Variants in NRXN3 observed in about 807,000 individuals in gnomAD.
NRXN3 encodes neurexin III.
A neutral mutation model predicts 137.6 loss-of-function variants in NRXN3; 32 were observed. That is an observed-to-expected ratio of 0.23 (90% CI 0.18 to 0.31). The LOEUF (loss-of-function observed/expected upper bound fraction) is 0.31, where lower values mean the gene tolerates loss of function less well. Ranked by LOEUF, NRXN3 falls within the 10% of genes least tolerant of loss-of-function variation. The pLI, the probability that NRXN3 is intolerant of heterozygous loss-of-function variation, is 1.00. For missense variants in NRXN3, 1,574 were observed against 2,062.5 expected (o/e 0.76, Z 4.59); for synonymous variants, 798 against 784.5 (o/e 1.02, Z -0.29).
chr14:79,108,401 A>T (rs967454383), intron 15 of NRXN3, among the ~76,000 whole-genome samples: 2 of 152,168 alleles, frequency 1.3e-5, no homozygotes, highest in East Asian at 3.8e-4. Context: ...ACACACAAAA[A>T]CATCGTTTGT....
rs139768220 is a variant in NRXN3, at chr14:79,687,066, A to G, written c.3617-5107A>G. Among the ~76,000 whole-genome samples the G allele has an allele frequency of 2.3e-3, 343 of 152,356 alleles. 2 individuals carry two copies. The highest frequency in any genetic ancestry group is 7.8e-3 in the African/African-American group (325 of 41,588). Reference sequence around the variant, plus strand: ...GACATTAATTTCTTTACCTTGGCACATTAAAGGATCAAAGCTCACAACATA... The same window carrying G: ...GACATTAATTTCTTTACCTTGGCACGTTAAAGGATCAAAGCTCACAACATA... On this transcript the variant is annotated intron_variant, in intron 17 of 20. Transcript: ENST00000335750.
At chr14:79,054,940 G>A (rs944906301) in intron 15 of NRXN3, among the ~76,000 whole-genome samples, 1 of 152,144 alleles carries the variant, frequency 6.6e-6, no homozygotes, top group African/African-American at 2.4e-5. Flanking sequence ...GAGCTGCAGG[G>A]TTCAGTTAAA....
At chr14:79,853,492 T>G (rs765975078) in intron 20 of NRXN3, 1 of 1,132,922 alleles carries the variant, frequency 8.8e-7, no homozygotes, top group South Asian at 1.3e-5. Context: ...TAGATGGGCA[T>G]GTGTAGGCTC....
At chr14:79,412,782 CAAAAAAAAAAA>C (rs71103803) in intron 15 of NRXN3, among the ~76,000 whole-genome samples, 3 of 59,734 alleles carry the variant, frequency 5.0e-5, no homozygotes, top group Non-Finnish European at 8.9e-5. Flanking sequence ...GACTCTGTCT[CAAAAAAAAAAA>C]AAAAAAAAAA....
At chr14:78,526,629 T>G (rs1599898343) in intron 4 of NRXN3, 1 of 356,688 alleles carries the variant, frequency 2.8e-6, no homozygotes, top group East Asian at 8.0e-5. Context: ...GCATATCTGC[T>G]TTATCTGATA....
intron 20 of NRXN3, among the ~76,000 whole-genome samples, chr14:79,850,371 A>G (rs1477898707): frequency 6.6e-6 from 1 of 152,118 alleles, no homozygotes; most frequent in Non-Finnish European, 1.5e-5. Flanking sequence ...ACTGAAGACA[A>G]TGCTTTCTAG....
chr14:78,730,558 G>A (rs933373080), intron 8 of NRXN3, among the ~76,000 whole-genome samples: 4 of 152,126 alleles, frequency 2.6e-5, no homozygotes, highest in African/African-American at 9.7e-5. Flanking sequence ...ACTTGACTCA[G>A]GGCTGTTATA....
intron 20 of NRXN3, among the ~76,000 whole-genome samples, chr14:79,843,849 C>T (rs959880647): frequency 6.6e-6 from 1 of 152,128 alleles, no homozygotes; most frequent in African/African-American, 2.4e-5. Flanking sequence ...TTAGTGCACC[C>T]ATCACCTGAG....
intron 10 of NRXN3, among the ~76,000 whole-genome samples, chr14:78,895,634 G>A (rs1409881251): frequency 6.6e-6 from 1 of 151,854 alleles, no homozygotes; most frequent in African/African-American, 2.4e-5. Flanking sequence ...TTAACTGTTT[G>A]GCACAAGAAG....
At chr14:79,564,745 T>C (rs2371057) in intron 16 of NRXN3, among the ~76,000 whole-genome samples, 1,671 of 152,236 alleles carry the variant, frequency 0.011, 20 homozygotes, top group Middle Eastern at 0.037. Flanking sequence ...TAACCAGGTA[T>C]TTTTATAGAA....
chr14:78,479,282 C>G (rs2095433200), intron 4 of NRXN3, among the ~76,000 whole-genome samples: 1 of 152,200 alleles, frequency 6.6e-6, no homozygotes, highest in African/African-American at 2.4e-5. Context: ...TTCTAATGTT[C>G]TGCAAAGTTG....
Position 79,488,100 on chromosome 14 carries a change from G to C in NRXN3, c.3444+20698G>C, listed in dbSNP as rs927130358. On this transcript the variant is annotated intron_variant, in intron 16 of 20. Coordinates refer to ENST00000335750, the MANE Select transcript of NRXN3 (RefSeq NM_001330195.2). ...CAGCTGTGTTACACATATGAGGCAA[G>C]CTCCATGCTCCAGAGACAAAAGTGA... 9.2e-5 allele frequency among the ~76,000 whole-genome samples: 14 copies of C among 152,274 alleles called. No homozygotes were observed. In the East Asian group the frequency reaches 1.9e-3, roughly 21 times the overall value.
At chr14:79,643,480 A>T (rs2098441454) in intron 16 of NRXN3, among the ~76,000 whole-genome samples, 1 of 135,256 alleles carries the variant, frequency 7.4e-6, no homozygotes, top group African/African-American at 2.5e-5. Context: ...AATATATGTA[A>T]GATTTTGGGT....
intron 10 of NRXN3, among the ~76,000 whole-genome samples, chr14:78,881,154 T>C (rs1286407573): frequency 6.6e-6 from 1 of 151,668 alleles, no homozygotes; most frequent in Non-Finnish European, 1.5e-5. Flanking sequence ...TCCCCAGTCA[T>C]GTGAAACTGT....
At chr14:79,000,211 G>A (rs1243273288) in intron 15 of NRXN3, among the ~76,000 whole-genome samples, 1 of 151,706 alleles carries the variant, frequency 6.6e-6, no homozygotes, top group African/African-American at 2.4e-5. Context: ...TAAAACTGCA[G>A]TTTTACTCAG....
chr14:79,609,854 A>C (rs1161074996), intron 16 of NRXN3, among the ~76,000 whole-genome samples: 1 of 152,134 alleles, frequency 6.6e-6, no homozygotes, highest in Non-Finnish European at 1.5e-5. Context: ...AAGAACAGAA[A>C]ACCAAACACC....
chr14:79,329,690 C>A (rs1202150106), intron 15 of NRXN3, among the ~76,000 whole-genome samples: 1 of 152,040 alleles, frequency 6.6e-6, no homozygotes, highest in East Asian at 1.9e-4. Context: ...AATATGTGAG[C>A]CTTGTTTGAG....
chr14:79,028,120 C>T (rs963748593), intron 15 of NRXN3, among the ~76,000 whole-genome samples: 1 of 152,060 alleles, frequency 6.6e-6, no homozygotes, highest in Non-Finnish European at 1.5e-5. Context: ...AATATTGGCT[C>T]TTATTATTAT....
At chr14:78,623,531 A>G (rs953063826) in intron 4 of NRXN3, among the ~76,000 whole-genome samples, 3 of 152,150 alleles carry the variant, frequency 2.0e-5, no homozygotes, top group African/African-American at 7.2e-5. Context: ...TTTATAGCAA[A>G]TAGCCATTCT....
Sources: gnomAD v4.1 joint callset for allele counts (sites outside exome capture counted in the v4.1 genomes callset) on GRCh38, gnomAD v4.1.1 for gene constraint, MANE v1.5 for transcripts, NCBI Gene and HGNC (gene_info 2026-07-23, HGNC 2026-07-21) for gene names.